Variants in PHIP observed in about 807,000 individuals in gnomAD.
PHIP encodes PH-interacting protein.
PHIP carries 54 observed loss-of-function variants against 236.8 expected under a neutral mutation model. That is an observed-to-expected ratio of 0.23 (90% CI 0.18 to 0.29). The LOEUF is 0.29. Ranked by LOEUF, PHIP falls within the 10% of genes least tolerant of loss-of-function variation. PHIP has a pLI of 1.00. For missense variants in PHIP, 1,370 were observed against 2,190.8 expected, an observed-to-expected ratio of 0.63 and a Z score of 7.48; for synonymous variants, 756 against 718.9, an observed-to-expected ratio of 1.05 and a Z score of -0.83.
intron 4 of PHIP, among the ~76,000 whole-genome samples, chr6:79,066,403 A>T (rs1029782185): frequency 1.1e-4 from 16 of 152,332 alleles, no homozygotes; most frequent in Middle Eastern, 3.4e-3. Context: ...TTTATTTAAA[A>T]AGATATTGAG....
At chr6:79,066,119 C>T (rs1773609700) in intron 4 of PHIP, among the ~76,000 whole-genome samples, 1 of 151,972 alleles carries the variant, frequency 6.6e-6, no homozygotes, top group Non-Finnish European at 1.5e-5. Flanking sequence ...AATATTATTT[C>T]AGGGGAAAAA....
chr6:79,024,509 A>T (rs1771287119), intron 9 of PHIP, among the ~76,000 whole-genome samples: 1 of 152,178 alleles, frequency 6.6e-6, no homozygotes, highest in East Asian at 1.9e-4. Context: ...TCCACTTAAA[A>T]GATATGGTAT....
At chr6:79,021,890 T>TAC (rs1361789739) in intron 9 of PHIP, among the ~76,000 whole-genome samples, 9 of 152,118 alleles carry the variant, frequency 5.9e-5, no homozygotes, top group Admixed American at 5.2e-4. Context: ...TAATTTGTAA[T>TAC]ACAAAGGATA....
intron 25 of PHIP, 67 bp from the exon 26 acceptor site, chr6:78,970,240 T>G (rs1256925005): frequency 2.1e-6 from 3 of 1,402,496 alleles, no homozygotes; most frequent in Non-Finnish European, 2.9e-6. Flanking sequence ...CTGCTAAACA[T>G]TGTTGAGAAA....
chr6:79,025,916 A>T (rs1259200115), intron 8 of PHIP, 27 bp downstream of exon 8: 2 of 1,436,122 alleles, frequency 1.4e-6, no homozygotes, highest in Non-Finnish European at 1.9e-6. Flanking sequence ...AACAACAACA[A>T]CAATGTATAG....
intron 9 of PHIP, 122 bp downstream of exon 9, chr6:79,025,397 A>G: frequency 1.7e-6 from 1 of 595,470 alleles, no homozygotes; most frequent in East Asian, 2.8e-5. Flanking sequence ...CCAAAAGAGG[A>G]TTTCTATTAT....
At chr6:79,024,437 CACT>C (rs2127747319) in intron 9 of PHIP, among the ~76,000 whole-genome samples, 1 of 152,274 alleles carries the variant, frequency 6.6e-6, no homozygotes, top group South Asian at 2.1e-4. Context: ...CAATTGAATA[CACT>C]ACTTTCTTGT....
At chr6:79,004,212 G>A (rs949284208) in intron 15 of PHIP, among the ~76,000 whole-genome samples, 1 of 152,038 alleles carries the variant, frequency 6.6e-6, no homozygotes, top group African/African-American at 2.4e-5. Flanking sequence ...AAGCTGACAT[G>A]TAGCAACTGT....
At chr6:78,967,282 A>C (rs984489247) in intron 27 of PHIP, among the ~76,000 whole-genome samples, 2 of 152,216 alleles carry the variant, frequency 1.3e-5, no homozygotes, top group Non-Finnish European at 2.9e-5. Flanking sequence ...TACTAGTGAC[A>C]CTTAACAAAA....
At chr6:78,990,531 G>C (rs1181163924) in intron 20 of PHIP, among the ~76,000 whole-genome samples, 3 of 151,938 alleles carry the variant, frequency 2.0e-5, no homozygotes, top group African/African-American at 7.3e-5. Flanking sequence ...AAAACACATA[G>C]AAAAACATAA....
At chr6:78,950,916 TGAG>T (rs1395528652) in intron 35 of PHIP, among the ~76,000 whole-genome samples, 1 of 152,174 alleles carries the variant, frequency 6.6e-6, no homozygotes, top group Non-Finnish European at 1.5e-5. Context: ...TCTAGGTTCT[TGAG>T]GAGTGAGCTT....
chr6:79,059,174 T>C (rs767431702), intron 6 of PHIP, among the ~76,000 whole-genome samples: 2 of 151,906 alleles, frequency 1.3e-5, no homozygotes, highest in African/African-American at 2.4e-5. Flanking sequence ...GTCAAAAACA[T>C]GTAAAACATA....
intron 4 of PHIP, among the ~76,000 whole-genome samples, chr6:79,076,011 G>T (rs555038551): frequency 6.6e-6 from 1 of 152,160 alleles, no homozygotes; most frequent in South Asian, 2.1e-4. Flanking sequence ...CTTTGGCCAA[G>T]AATTGAATGA....
At chr6:79,060,618 A>AACAAAAG (rs1773322503) in intron 5 of PHIP, 42 bp from the exon 6 acceptor site, 1 of 1,608,612 alleles carries the variant, frequency 6.2e-7, no homozygotes. Context: ...AGAACACAAA[A>AACAAAAG]ACAAAAGTGA....
rs976305253 is a variant in PHIP, at chr6:78,941,162, A to G, written c.4997T>C (p.Leu1666Pro). The change falls in exon 40 of 40, where the codon CTA (leucine) becomes CCA (proline). Residue 1666 changes from leucine (L) to proline (P), a missense_variant. Around this residue, in one of 14 missense-constraint regions of PHIP, gnomAD observed 309 missense variants for 328.3 expected, o/e 0.94. Coordinates refer to ENST00000275034, the MANE Select transcript of PHIP (RefSeq NM_017934.7). ...TAAATCTTCTGGCTTTGCATACTGT[A>G]GCTTTTTGGGCTTTCTACCCCTTTT... ...HKKRGRKPKK[L>P]QYAKPEDLEQ... 1.2e-6 allele frequency: 2 copies of G among 1,613,894 alleles called. No individual in the cohort carries two copies. Among genetic ancestry groups the G allele is most frequent in the Admixed American group, 3.3e-5 (2 of 59,996 alleles).
At chr6:78,963,007 GA>G (rs538590835) in intron 30 of PHIP, 89 bp downstream of exon 30, 33 of 1,273,954 alleles carry the variant, frequency 2.6e-5, no homozygotes, top group Non-Finnish European at 2.7e-5. Flanking sequence ...AGGATATTGT[GA>G]AAAAAAATTT....
intron 7 of PHIP, among the ~76,000 whole-genome samples, chr6:79,029,060 T>C (rs1243978931): frequency 6.6e-6 from 1 of 152,174 alleles, no homozygotes; most frequent in Non-Finnish European, 1.5e-5. Flanking sequence ...CTTGATTAAA[T>C]TTGCTCTTTT....
At chr6:78,978,857 C>G (rs1768305287) in intron 23 of PHIP, 146 bp from the exon 24 acceptor site, 2 of 528,616 alleles carry the variant, frequency 3.8e-6, no homozygotes, top group Non-Finnish European at 6.0e-6. Flanking sequence ...CCCTGTGTAT[C>G]CATGGGTTCC....
At chr6:79,019,747 T>C (rs1771019204) in intron 9 of PHIP, among the ~76,000 whole-genome samples, 1 of 152,100 alleles carries the variant, frequency 6.6e-6, no homozygotes, top group Non-Finnish European at 1.5e-5. Flanking sequence ...TCATTCAAAA[T>C]AGCAGTCTAC....
Sources: allele counts gnomAD v4.1 joint callset (sites outside exome capture counted in the v4.1 genomes callset), GRCh38; gene constraint gnomAD v4.1.1; regional missense constraint gnomAD v4.1.1; transcripts MANE v1.5; gene names NCBI Gene and HGNC (gene_info 2026-07-23, HGNC 2026-07-21).